Variants in AP3B1 observed in about 807,000 individuals in gnomAD.
AP3B1 encodes AP-3 complex subunit beta-1.
Under a neutral mutation model 132.5 loss-of-function variants are expected in AP3B1, and 61 were observed. The observed-to-expected ratio is 0.46, with a 90% confidence interval of 0.37 to 0.57. The LOEUF (loss-of-function observed/expected upper bound fraction) is 0.57. Among genes scored for constraint, AP3B1 ranks in the 20% least tolerant of loss-of-function variants. AP3B1 has a pLI of 0.00. For missense variants in AP3B1, 1,120 were observed against 1,289.4 expected (o/e 0.87, Z 2.01); for synonymous variants, 388 against 438.3 (o/e 0.89, Z 1.43).
intron 7 of AP3B1, among the ~76,000 whole-genome samples, chr5:78,192,106 C>T (rs1744860051): frequency 6.6e-6 from 1 of 151,760 alleles, no homozygotes; most frequent in South Asian, 2.1e-4. Flanking sequence ...GTGATCCGCC[C>T]GCCTCGGCTT....
chr5:78,107,669 C>G lies in AP3B1; in HGVS notation c.2397+2538G>C, dbSNP rs115114357. On this transcript the variant is annotated intron_variant, in intron 20 of 26. Transcript: ENST00000255194. The stretch of plus-strand genomic sequence containing the variant: ...TGAGTTAGAGAGCAGAAACACTGAC[C>G]GTGGATGGCAGCTGTCTTCTAAGGA... Among the ~76,000 whole-genome samples, 681 of 151,926 alleles carry G rather than the reference C, an allele frequency of 4.5e-3. 4 individuals carry two copies. Among genetic ancestry groups the G allele is most frequent in the African/African-American group, 0.015 (635 of 41,426 alleles).
At chr5:78,157,002 C>T (rs1439841889) in intron 13 of AP3B1, among the ~76,000 whole-genome samples, 6 of 152,150 alleles carry the variant, frequency 3.9e-5, no homozygotes, top group Non-Finnish European at 5.9e-5. Flanking sequence ...AGAGGCCCAC[C>T]TGTAGTCTGC....
intron 11 of AP3B1, among the ~76,000 whole-genome samples, chr5:78,174,033 C>A (rs1471212722): frequency 6.6e-6 from 1 of 152,204 alleles, no homozygotes; most frequent in African/African-American, 2.4e-5. Flanking sequence ...TCAGTTCCAA[C>A]AGGTCATTTA....
At chr5:78,263,552 G>A (rs1748191914) in intron 2 of AP3B1, among the ~76,000 whole-genome samples, 1 of 152,182 alleles carries the variant, frequency 6.6e-6, no homozygotes, top group Non-Finnish European at 1.5e-5. Context: ...AGTGGTAAAA[G>A]CAAGCATCCT....
chr5:78,151,707 T>C (rs1241636701), intron 14 of AP3B1, among the ~76,000 whole-genome samples: 3 of 152,300 alleles, frequency 2.0e-5, no homozygotes, highest in South Asian at 2.1e-4. Context: ...ATAAATCCCA[T>C]TGGTCATGAC....
chr5:78,134,379 C>T (rs571482329), intron 15 of AP3B1, among the ~76,000 whole-genome samples: 3 of 152,030 alleles, frequency 2.0e-5, no homozygotes, highest in African/African-American at 7.2e-5. Flanking sequence ...AGTCTGCATT[C>T]GGCATAGTAA....
At chr5:78,117,366 G>C (rs1751900571) in intron 17 of AP3B1, among the ~76,000 whole-genome samples, 1 of 151,216 alleles carries the variant, frequency 6.6e-6, no homozygotes, top group Non-Finnish European at 1.5e-5. Context: ...CTGGAGTATG[G>C]TGACAGGATC....
At chr5:78,109,377 G>C (rs1751477507) in intron 20 of AP3B1, among the ~76,000 whole-genome samples, 1 of 152,036 alleles carries the variant, frequency 6.6e-6, no homozygotes. Context: ...ACATATTGAA[G>C]AGATTCCAGT....
chr5:78,228,709 A>G (rs1746501848), intron 3 of AP3B1, among the ~76,000 whole-genome samples: 1 of 152,126 alleles, frequency 6.6e-6, no homozygotes, highest in Non-Finnish European at 1.5e-5. Flanking sequence ...AATAAGAGAA[A>G]GAATTTGGGC....
chr5:78,002,996 T>C lies in AP3B1; in HGVS notation c.3191A>G (p.Glu1064Gly). 1.2e-6 allele frequency: 2 copies of C among 1,614,208 alleles called. No individual in the cohort carries two copies. The highest frequency in any genetic ancestry group is 2.2e-5 in the South Asian group (2 of 91,084). The change falls in exon 27 of 27, where the codon GAA becomes GGA. Residue 1064 changes from glutamate to glycine, a missense_variant. Physicochemically the swap from Glu to Gly is moderately conservative, Grantham distance 98. Coordinates refer to ENST00000255194, the MANE Select transcript of AP3B1 (RefSeq NM_003664.5). ...SLMLVTVELK[E>G]GSTAQLIINT... ...TATGATAAGCTGGGCTGTAGAGCCTTCCTTCAGTTCCACTGTGACTAGCAT... is the reference window on the plus strand; with the variant it reads ...TATGATAAGCTGGGCTGTAGAGCCTCCCTTCAGTTCCACTGTGACTAGCAT...
chr5:78,267,623 C>T (rs765929200), intron 1 of AP3B1, 28 bp from the exon 2 acceptor site: 1 of 1,384,494 alleles, frequency 7.2e-7, no homozygotes, highest in Non-Finnish European at 1.0e-6. Context: ...AAAAAAAATC[C>T]ATACTTTGAT....
At chr5:78,049,515 T>C (rs988202725) in intron 22 of AP3B1, among the ~76,000 whole-genome samples, 1 of 152,130 alleles carries the variant, frequency 6.6e-6, no homozygotes, top group Non-Finnish European at 1.5e-5. Flanking sequence ...GTAAATCAAC[T>C]AGTGTGATAA....
chr5:78,289,146 TCTCA>T (rs1434122425), intron 1 of AP3B1, among the ~76,000 whole-genome samples: 1 of 152,160 alleles, frequency 6.6e-6, no homozygotes, highest in Admixed American at 6.5e-5. Flanking sequence ...AGTAAATGAA[TCTCA>T]CTCAGCTGCA....
chr5:78,191,930 G>A (rs762073703), intron 7 of AP3B1, among the ~76,000 whole-genome samples: 3 of 151,954 alleles, frequency 2.0e-5, no homozygotes, highest in African/African-American at 7.3e-5. Flanking sequence ...GCGCGATCTC[G>A]GCTCACTGCA....
intron 1 of AP3B1, among the ~76,000 whole-genome samples, chr5:78,279,390 C>A (rs1748942777): frequency 6.6e-6 from 1 of 152,008 alleles, no homozygotes; most frequent in South Asian, 2.1e-4. Context: ...TATTATTGTT[C>A]CCATTTAATA....
chr5:78,210,725 C>CTAGCAGGCCCCAGTGTCAGA (rs1291375877), intron 7 of AP3B1, among the ~76,000 whole-genome samples: 1 of 152,086 alleles, frequency 6.6e-6, no homozygotes, highest in Non-Finnish European at 1.5e-5. Flanking sequence ...AAAAACATTC[C>CTAGCAGGCCCCAGTGTCAGA]TAGCAGGCCC....
At chr5:78,056,476 G>A (rs753305239) in intron 22 of AP3B1, among the ~76,000 whole-genome samples, 2 of 152,164 alleles carry the variant, frequency 1.3e-5, no homozygotes, top group Admixed American at 6.5e-5. Flanking sequence ...GTCAGATAAC[G>A]CAGGGTCCTG....
In AP3B1 at chr5:78,257,824, C is replaced by T. The variant is rs180845579; in HGVS notation, c.204+9696G>A. ...ATGTACTGGCATAAAAACAGACACA[C>T]AGAGGAATGGAACAGAATAGAGAAC... On this transcript the variant is annotated intron_variant, in intron 2 of 26. Coordinates refer to ENST00000255194, the MANE Select transcript of AP3B1 (RefSeq NM_003664.5). Among the ~76,000 whole-genome samples the T allele has an allele frequency of 9.5e-4, 144 of 152,200 alleles. 1 individual carries two copies. The highest frequency in any genetic ancestry group is 3.4e-3 in the African/African-American group (141 of 41,540).
chr5:78,097,675 C>G (rs1315272723), intron 21 of AP3B1, among the ~76,000 whole-genome samples: 3 of 150,432 alleles, frequency 2.0e-5, no homozygotes, highest in Non-Finnish European at 3.0e-5. Context: ...GCCCCCCGCC[C>G]GGCCAGCCGC....
Sources: allele counts gnomAD v4.1 joint callset (sites outside exome capture counted in the v4.1 genomes callset), GRCh38; gene constraint gnomAD v4.1.1; transcripts MANE v1.5; gene names NCBI Gene and HGNC (gene_info 2026-07-23, HGNC 2026-07-21).